ITGA7: variants seen among roughly 807,000 people sequenced by gnomAD.
The protein encoded by ITGA7 is integrin alpha-7.
ITGA7 carries 84 observed loss-of-function variants against 131.6 expected under a neutral mutation model. The ratio of observed to expected loss-of-function variants is 0.64; its 90% CI spans 0.54 to 0.77. ITGA7 has a LOEUF of 0.77. ITGA7 is among the 30% of genes least tolerant of loss of function. The pLI is 0.00. For missense variants in ITGA7, 1,399 were observed against 1,482.9 expected (o/e 0.94, Z 0.93); for synonymous variants, 548 against 600.7 (o/e 0.91, Z 1.28).
rs769245155 is a variant in ITGA7, at chr12:55,702,884, C to T, written c.402G>A (p.Gly134=). ...AAGCAATACTCACAACAATCTTGCC[C>T]CCAGGCCCCTGGCTCCGAACACTGA... is the stretch of plus-strand genomic sequence containing the variant. The part of the protein sequence containing the change: ...LGVSVRSQGP[G]GKIVTCAHRY... The change falls in exon 3 of 25, where the codon GGG becomes GGA. Residue 134 remains glycine (G), a synonymous_variant. Coordinates refer to ENST00000257879, the MANE Select transcript of ITGA7 (RefSeq NM_002206.3). The T allele has an allele frequency of 2.5e-6, 4 of 1,612,992 alleles. No individual in the cohort carries two copies. In the South Asian group the frequency reaches 4.4e-5, roughly 18 times the overall value.
intron 7 of ITGA7, 43 bp downstream of exon 7, chr12:55,698,340 T>C (rs1873108099): frequency 6.5e-7 from 1 of 1,541,938 alleles, no homozygotes; most frequent in East Asian, 2.4e-5. Flanking sequence ...CCATCCCTCC[T>C]GTGGCCCCTC....
At position 55,689,354 on chromosome 12, in the gene ITGA7, G is replaced by A. The variant is rs145377865; in HGVS notation, c.2845-397C>T. Reference sequence around the variant, plus strand: ...CTGAGGAGGCCCAAGGAGGCCAAGCGACCTGCCTCAGGTCACAGCACTAGC... The same window carrying A: ...CTGAGGAGGCCCAAGGAGGCCAAGCAACCTGCCTCAGGTCACAGCACTAGC... On this transcript the variant is annotated intron_variant, in intron 21 of 24. Coordinates refer to ENST00000257879, the MANE Select transcript of ITGA7 (RefSeq NM_002206.3). Among the ~76,000 whole-genome samples, 497 of 152,318 alleles carry A rather than the reference G, an allele frequency of 3.3e-3. 1 individual carries two copies. The highest frequency in any genetic ancestry group is 0.011 in the African/African-American group (477 of 41,566).
intron 14 of ITGA7, 129 bp from the exon 15 acceptor site, chr12:55,695,099 C>T (rs989176581): frequency 4.1e-5 from 36 of 876,892 alleles, no homozygotes; most frequent in Non-Finnish European, 6.5e-5. Context: ...CCCCATCACA[C>T]CCGTCCAAGC....
At chr12:55,688,762 T>C in intron 22 of ITGA7, 82 bp downstream of exon 22, 1 of 987,810 alleles carries the variant, frequency 1.0e-6, no homozygotes, top group South Asian at 1.3e-5. Context: ...ATTTGGACAG[T>C]GAGGAAGGAG....
chr12:55,701,161 G>A lies in ITGA7; in HGVS notation c.415-7C>T, dbSNP rs1400418638. On this transcript the variant is annotated splice_region_variant and splice_polypyrimidine_tract_variant and intron_variant, in intron 3 of 24. Coordinates refer to ENST00000257879, the MANE Select transcript of ITGA7 (RefSeq NM_002206.3). ...CATATCGGTGTGCACAGGTCTGGGG[G>A]AGGAAGGGATGGGGATCATTTCACT... 6 of 1,614,178 alleles carry A rather than the reference G, an allele frequency of 3.7e-6. No individual in the cohort carries two copies. The highest frequency in any genetic ancestry group is 1.1e-5 in the South Asian group (1 of 91,092).
At chr12:55,710,474 T>C (rs1233293417), upstream of ITGA7, among the ~76,000 whole-genome samples, 6 of 151,512 alleles carry the variant, frequency 4.0e-5, no homozygotes, top group African/African-American at 1.5e-4. Flanking sequence ...TAGGAATTAG[T>C]TAAATTAAAA....
Position 55,707,820 on chromosome 12 carries a change from GCCCTCC to G in ITGA7, c.-144_-139del. On this transcript the variant is annotated 5_prime_UTR_variant, in exon 1 of 25. Coordinates refer to ENST00000257879, the MANE Select transcript of ITGA7 (RefSeq NM_002206.3). Reference sequence around the variant, plus strand: ...CGTCTCCCAGACGTTCGCCCCGCCAGCCCTCCCGCCCGCCCGCCGCTCCGCCACCCC... The same window carrying G: ...CGTCTCCCAGACGTTCGCCCCGCCAGCGCCCGCCCGCCGCTCCGCCACCCC... 1.4e-6 allele frequency: 2 copies of G among 1,455,752 alleles called. No individual in the cohort carries two copies. The highest frequency in any genetic ancestry group is 1.8e-6 in the Non-Finnish European group (2 of 1,102,468). The allele number at this position is 1,455,752 out of a possible 1,614,324, so 90.2% of individuals were successfully genotyped here.
In ITGA7 at chr12:55,707,882, G is replaced by A. The variant is rs1875590346; in HGVS notation, c.-200C>T. The A allele has an allele frequency of 7.1e-7, 1 of 1,403,076 alleles. No individual in the cohort carries two copies. Among genetic ancestry groups the A allele is most frequent in the South Asian group, 1.5e-5 (1 of 66,728 alleles). 86.9% of individuals were successfully genotyped at this position (1,403,076 alleles called of 1,614,324 possible). A position where few individuals can be genotyped will look rare whatever the true frequency, so the allele number is the denominator to read the frequency against. On this transcript the variant is annotated 5_prime_UTR_variant, in exon 1 of 25. Transcript: ENST00000257879. ...CCCAGCACCGGCTAGGACAACTACA[G>A]CAGCCGCAGCTCCGGCGCCCACTCC...
intron 13 of ITGA7, 36 bp from the exon 14 acceptor site, chr12:55,695,673 G>A: frequency 6.9e-7 from 1 of 1,444,766 alleles, no homozygotes; most frequent in South Asian, 1.1e-5. Context: ...CATTCCTAGG[G>A]GGCAAGGCAG....
upstream of ITGA7, among the ~76,000 whole-genome samples, chr12:55,713,365 T>C (rs769724393): frequency 6.2e-4 from 94 of 152,286 alleles, no homozygotes; most frequent in Middle Eastern, 3.4e-3. Flanking sequence ...GCATAATGAT[T>C]AGAGACAGAG....
At chr12:55,692,663 G>A (rs143068278) in intron 21 of ITGA7, among the ~76,000 whole-genome samples, 181 bp downstream of exon 21, 1 of 152,284 alleles carries the variant, frequency 6.6e-6, no homozygotes, top group African/African-American at 2.4e-5. Context: ...AGCAATTGCA[G>A]GGGCTGAGCA....
upstream of ITGA7, chr12:55,716,241 T>C (rs1407602370): frequency 1.3e-6 from 2 of 1,567,874 alleles, no homozygotes; most frequent in Admixed American, 3.8e-5. Context: ...GGCCGCGGCC[T>C]AGCTTCAGCC....
intron 20 of ITGA7, 30 bp downstream of exon 20, chr12:55,693,111 A>T (rs758376116): frequency 6.2e-7 from 1 of 1,612,804 alleles, no homozygotes; most frequent in Admixed American, 1.7e-5. Flanking sequence ...CTGTCCCCAC[A>T]TCTAACCCCC....
intron 4 of ITGA7, chr12:55,700,368 T>A: frequency 6.2e-7 from 1 of 1,609,494 alleles, no homozygotes; most frequent in Non-Finnish European, 8.5e-7. Flanking sequence ...CTGAGCCCTG[T>A]GCACAGAGCT....
chr12:55,695,286 T>C (rs1469707276), intron 14 of ITGA7: 1 of 600,820 alleles, frequency 1.7e-6, no homozygotes, highest in Non-Finnish European at 3.0e-6. Context: ...ATGAGATGTA[T>C]GTAGACTGCA....
upstream of ITGA7, among the ~76,000 whole-genome samples, chr12:55,709,233 A>AT (rs1385017639): frequency 6.6e-6 from 1 of 152,138 alleles, no homozygotes; most frequent in Non-Finnish European, 1.5e-5. Context: ...TTCAAACACT[A>AT]TCATATTCTT....
At chr12:55,693,420 T>C in intron 19 of ITGA7, 103 bp from the exon 20 acceptor site, 1 of 1,062,086 alleles carries the variant, frequency 9.4e-7, no homozygotes, top group Non-Finnish European at 1.4e-6. Context: ...GGCTTGTCTC[T>C]AACTCCTGGG....
chr12:55,690,449 A>G (rs560914166), intron 21 of ITGA7, among the ~76,000 whole-genome samples: 53 of 146,250 alleles, frequency 3.6e-4, no homozygotes, highest in Non-Finnish European at 5.1e-4. Flanking sequence ...TTAGAATGGC[A>G]ATCATTAAAA....
chr12:55,685,170 C>T lies in ITGA7; in HGVS notation c.3302G>A (p.Arg1101Lys), dbSNP rs368072274. 3.1e-6 allele frequency: 5 copies of T among 1,614,042 alleles called. No individual in the cohort carries two copies. Among genetic ancestry groups the T allele is most frequent in the Middle Eastern group, 1.6e-4 (1 of 6,084 alleles). ...FKEEKTGTIL[R>K]NNWGSPRREG... Reference sequence around the variant, plus strand: ...CCGCCGGGGGCTGCCCCAGTTGTTCCTCAGGATGGTGCCCGTCTTCTCCTC... The same window carrying T: ...CCGCCGGGGGCTGCCCCAGTTGTTCTTCAGGATGGTGCCCGTCTTCTCCTC... The change falls in exon 25 of 25, where the codon AGG becomes AAG. Residue 1101 changes from arginine to lysine, a missense_variant. Transcript: ENST00000257879.
Sources: gnomAD v4.1 joint callset for allele counts (sites outside exome capture counted in the v4.1 genomes callset) on GRCh38, gnomAD v4.1.1 for gene constraint, MANE v1.5 for transcripts, NCBI Gene and HGNC (gene_info 2026-07-23, HGNC 2026-07-21) for gene names.